The following GRM8 variants were observed in gnomAD, a reference collection of about 807,000 sequenced individuals.
The protein encoded by GRM8 is glutamate metabotropic receptor 8.
In GRM8, 47 loss-of-function variants were observed where a neutral mutation model predicts 87.2. That is an observed-to-expected ratio of 0.54 (90% CI 0.43 to 0.69). The LOEUF (loss-of-function observed/expected upper bound fraction) is 0.69, where lower values mean the gene tolerates loss of function less well. Among genes scored for constraint, GRM8 ranks in the 30% least tolerant of loss-of-function variants. The pLI, the probability that GRM8 is intolerant of heterozygous loss-of-function variation, is 0.00. For missense variants in GRM8, 1,019 were observed against 1,139.2 expected (o/e 0.89, Z 1.52); for synonymous variants, 396 against 404.5 (o/e 0.98, Z 0.25).
chr7:126,622,220 G>A (rs1800251147), intron 7 of GRM8, among the ~76,000 whole-genome samples: 2 of 152,018 alleles, frequency 1.3e-5, no homozygotes, highest in Admixed American at 1.3e-4. Context: ...TGCATGCTAG[G>A]TGCCTCACTT....
chr7:126,782,376 T>C (rs1339739289), intron 6 of GRM8, among the ~76,000 whole-genome samples: 1 of 152,204 alleles, frequency 6.6e-6, no homozygotes. Context: ...AATCACTTAA[T>C]TCCATGACTC....
intron 2 of GRM8, among the ~76,000 whole-genome samples, chr7:127,225,214 G>T (rs980643399): frequency 6.6e-6 from 1 of 152,150 alleles, no homozygotes; most frequent in African/African-American, 2.4e-5. Context: ...CTGTTCTGGG[G>T]GTACATCTAG....
At chr7:126,640,389 A>T (rs1313329817) in intron 7 of GRM8, among the ~76,000 whole-genome samples, 2 of 152,204 alleles carry the variant, frequency 1.3e-5, no homozygotes, top group African/African-American at 4.8e-5. Flanking sequence ...TTTCAAACTG[A>T]GGGAAAACAA....
chr7:126,584,374 G>T (rs988403364), intron 8 of GRM8, among the ~76,000 whole-genome samples: 4 of 151,982 alleles, frequency 2.6e-5, no homozygotes, highest in African/African-American at 9.7e-5. Flanking sequence ...ACAGGCACAC[G>T]CCACCATGCC....
At chr7:126,946,131 A>G (rs1429507143) in intron 3 of GRM8, among the ~76,000 whole-genome samples, 1 of 152,202 alleles carries the variant, frequency 6.6e-6, no homozygotes, top group African/African-American at 2.4e-5. Flanking sequence ...TGTGCCAACT[A>G]CAAGGTTAGG....
intron 9 of GRM8, among the ~76,000 whole-genome samples, chr7:126,525,002 T>G (rs1397938556): frequency 6.6e-6 from 1 of 152,216 alleles, no homozygotes; most frequent in Admixed American, 6.5e-5. Flanking sequence ...GCTGTTTTGT[T>G]TCTTTTTTAG....
At chr7:127,059,533 C>A (rs1820406468) in intron 3 of GRM8, among the ~76,000 whole-genome samples, 1 of 152,142 alleles carries the variant, frequency 6.6e-6, no homozygotes, top group Admixed American at 6.5e-5. Flanking sequence ...GACCAGGTTT[C>A]ACCCTATTGG....
intron 7 of GRM8, among the ~76,000 whole-genome samples, chr7:126,625,280 T>C (rs1355388457): frequency 6.6e-6 from 1 of 152,156 alleles, no homozygotes; most frequent in Non-Finnish European, 1.5e-5. Flanking sequence ...TGAGAAAGTG[T>C]AATCATTCTT....
chr7:127,068,307 T>C (rs1401902528), intron 3 of GRM8, among the ~76,000 whole-genome samples: 1 of 152,170 alleles, frequency 6.6e-6, no homozygotes, highest in Non-Finnish European at 1.5e-5. Context: ...CCAGAGTATT[T>C]GACAATTTAT....
intron 3 of GRM8, among the ~76,000 whole-genome samples, chr7:127,018,141 T>C (rs1815875092): frequency 6.6e-6 from 1 of 151,714 alleles, no homozygotes; most frequent in Non-Finnish European, 1.5e-5. Flanking sequence ...ATAAGAGTAA[T>C]TGTAATAAAT....
intron 3 of GRM8, among the ~76,000 whole-genome samples, chr7:126,910,625 A>C (rs911004652): frequency 2.0e-5 from 3 of 152,220 alleles, no homozygotes; most frequent in Non-Finnish European, 4.4e-5. Context: ...TCTGCCTCCC[A>C]AAATAGTTTT....
At chr7:127,202,811 A>G (rs1486974779) in intron 2 of GRM8, among the ~76,000 whole-genome samples, 1 of 152,200 alleles carries the variant, frequency 6.6e-6, no homozygotes, top group Non-Finnish European at 1.5e-5. Flanking sequence ...TGCCGGTTTC[A>G]TCCTAATCCT....
intron 7 of GRM8, among the ~76,000 whole-genome samples, chr7:126,702,121 C>T (rs374522810): frequency 2.6e-5 from 4 of 152,204 alleles, no homozygotes; most frequent in South Asian, 4.1e-4. Context: ...TGCTAGCATT[C>T]GCACATGCCA....
At chr7:126,887,594 A>C (rs1451019108) in intron 6 of GRM8, among the ~76,000 whole-genome samples, 2 of 152,054 alleles carry the variant, frequency 1.3e-5, no homozygotes, top group Admixed American at 1.3e-4. Context: ...TGATTACCCA[A>C]GTCTCTTGTT....
At chr7:126,583,791 G>A (rs970002795) in intron 8 of GRM8, among the ~76,000 whole-genome samples, 7 of 152,172 alleles carry the variant, frequency 4.6e-5, no homozygotes, top group Admixed American at 3.3e-4. Context: ...ATCTACTCCT[G>A]CTGACGATTT....
chr7:126,840,438 G>A (rs1796167918), intron 6 of GRM8, among the ~76,000 whole-genome samples: 1 of 152,058 alleles, frequency 6.6e-6, no homozygotes, highest in Admixed American at 6.6e-5. Context: ...TTAACACTTT[G>A]ATGATACAGT....
intron 3 of GRM8, among the ~76,000 whole-genome samples, chr7:127,045,427 G>A (rs890656635): frequency 2.0e-5 from 3 of 151,578 alleles, no homozygotes; most frequent in Non-Finnish European, 1.5e-5. Flanking sequence ...TTCAAGAGAT[G>A]CCTAACTCCA....
chr7:127,106,436 T>TG (rs746505158), intron 3 of GRM8, 60 bp downstream of exon 3: 5 of 1,322,734 alleles, frequency 3.8e-6, no homozygotes, highest in Non-Finnish European at 5.4e-6. Flanking sequence ...CACTTGGAGA[T>TG]GCTCAGGCAT....
At chr7:126,543,175 T>C (rs904703226) in intron 8 of GRM8, among the ~76,000 whole-genome samples, 1 of 152,220 alleles carries the variant, frequency 6.6e-6, no homozygotes, top group Admixed American at 6.5e-5. Context: ...CATGGACTTT[T>C]ACAGTACATG....
Sources: gnomAD v4.1 joint callset for allele counts (sites outside exome capture counted in the v4.1 genomes callset) on GRCh38, gnomAD v4.1.1 for gene constraint, MANE v1.5 for transcripts, NCBI Gene and HGNC (gene_info 2026-07-23, HGNC 2026-07-21) for gene names.